The following TMEM132C variants were observed in gnomAD, a reference collection of about 807,000 sequenced individuals.
TMEM132C encodes the protein protein phosphatase 1, regulatory subunit 152.
A neutral mutation model predicts 61.4 loss-of-function variants in TMEM132C; 29 were observed. The observed-to-expected ratio is 0.47, with a 90% CI of 0.35 to 0.64. TMEM132C has a LOEUF of 0.64. TMEM132C is among the 30% of genes least tolerant of loss of function. The pLI, the probability that TMEM132C is intolerant of heterozygous loss-of-function variation, is 0.00. For synonymous variants in TMEM132C, 656 were observed against 633.1 expected (o/e 1.04, Z -0.54); for missense variants, 1,408 against 1,476.9 (o/e 0.95, Z 0.76).
chr12:128,422,428 G>A (rs529959224), intron 2 of TMEM132C, among the ~76,000 whole-genome samples: 7 of 152,256 alleles, frequency 4.6e-5, no homozygotes, highest in Admixed American at 3.9e-4. Flanking sequence ...GAGCAGAGGC[G>A]GTGATCATTC....
chr12:128,323,603 C>G (rs980335210), intron 1 of TMEM132C, among the ~76,000 whole-genome samples: 15 of 152,336 alleles, frequency 9.8e-5, no homozygotes, highest in African/African-American at 3.6e-4. Context: ...CTGATAGATG[C>G]ACCTCTGTCG....
chr12:128,430,904 A>C (rs1025056816), intron 2 of TMEM132C, among the ~76,000 whole-genome samples: 4 of 152,148 alleles, frequency 2.6e-5, no homozygotes, highest in Admixed American at 1.3e-4. Flanking sequence ...CTATTCCCTA[A>C]GATGTAACAA....
At chr12:128,666,138 C>G (rs557679562) in intron 4 of TMEM132C, among the ~76,000 whole-genome samples, 1 of 151,064 alleles carries the variant, frequency 6.6e-6, no homozygotes, top group Non-Finnish European at 1.5e-5. Context: ...CACAGGCACA[C>G]ACACATTCAC....
chr12:128,280,235 G>A (rs1870844888), intron 1 of TMEM132C, among the ~76,000 whole-genome samples: 1 of 152,184 alleles, frequency 6.6e-6, no homozygotes, highest in Admixed American at 6.5e-5. Context: ...AAGTGCCCCC[G>A]TCAATTTGAG....
At chr12:128,626,127 C>CTT (rs1555237535) in intron 4 of TMEM132C, among the ~76,000 whole-genome samples, 25 of 139,224 alleles carry the variant, frequency 1.8e-4, no homozygotes, top group African/African-American at 4.8e-4. Flanking sequence ...TTCTTTCTTT[C>CTT]TTTTTTTTTT....
chr12:128,673,971 G>T (rs774450558), intron 5 of TMEM132C, among the ~76,000 whole-genome samples: 6 of 151,736 alleles, frequency 4.0e-5, no homozygotes, highest in Non-Finnish European at 8.9e-5. Flanking sequence ...GTATATTTGT[G>T]TGATATGCAC....
chr12:128,666,254 CATTCACAGGCACTCAT>C (rs1211050389), intron 4 of TMEM132C, among the ~76,000 whole-genome samples: 1 of 151,522 alleles, frequency 6.6e-6, no homozygotes, highest in Non-Finnish European at 1.5e-5. Context: ...CAGGCACACA[CATTCACAGGCACTCAT>C]ACACAAACAC....
chr12:128,461,039 G>A (rs769700706), intron 2 of TMEM132C, among the ~76,000 whole-genome samples: 1 of 152,032 alleles, frequency 6.6e-6, no homozygotes, highest in East Asian at 1.9e-4. Flanking sequence ...GTTAATGAAG[G>A]CATGTTTGCA....
At chr12:128,289,941 G>A (rs1233953944) in intron 1 of TMEM132C, among the ~76,000 whole-genome samples, 1 of 152,070 alleles carries the variant, frequency 6.6e-6, no homozygotes. Flanking sequence ...CCTGTCCTGA[G>A]GCCCTGATGA....
At chr12:128,512,378 G>A (rs1377212623) in intron 2 of TMEM132C, among the ~76,000 whole-genome samples, 1 of 152,010 alleles carries the variant, frequency 6.6e-6, no homozygotes, top group Non-Finnish European at 1.5e-5. Context: ...TGTATGTCCT[G>A]TTTTGCTCCA....
chr12:128,347,391 A>G (rs1271918235), intron 1 of TMEM132C, among the ~76,000 whole-genome samples: 1 of 124,230 alleles, frequency 8.0e-6, no homozygotes, highest in African/African-American at 3.9e-5. Flanking sequence ...AAGCATGCAT[A>G]TGTATGTCTC....
At chr12:128,520,663 T>C (rs1872877226) in intron 2 of TMEM132C, among the ~76,000 whole-genome samples, 1 of 152,174 alleles carries the variant, frequency 6.6e-6, no homozygotes, top group South Asian at 2.1e-4. Flanking sequence ...AAAATGCAAG[T>C]AGCACATTCC....
At chr12:128,284,867 G>A (rs1871009021) in intron 1 of TMEM132C, among the ~76,000 whole-genome samples, 1 of 152,186 alleles carries the variant, frequency 6.6e-6, no homozygotes, top group Non-Finnish European at 1.5e-5. Flanking sequence ...CCAGCATGGT[G>A]TCTCATGCCT....
intron 4 of TMEM132C, among the ~76,000 whole-genome samples, chr12:128,642,633 C>A (rs530878864): frequency 3.7e-4 from 57 of 152,296 alleles, no homozygotes; most frequent in Admixed American, 1.2e-3. Context: ...CCTTTGCCTT[C>A]CTCCCTGAAT....
At chr12:128,440,064 T>C (rs955602992) in intron 2 of TMEM132C, among the ~76,000 whole-genome samples, 2 of 152,200 alleles carry the variant, frequency 1.3e-5, no homozygotes, top group African/African-American at 4.8e-5. Context: ...GGAGGAAATG[T>C]CTACTTATAG....
chr12:128,505,114 C>T (rs1007755345), intron 2 of TMEM132C, among the ~76,000 whole-genome samples: 4 of 149,898 alleles, frequency 2.7e-5, no homozygotes, highest in Non-Finnish European at 6.0e-5. Context: ...TTGCAAGCAA[C>T]AGAAATCAAC....
intron 2 of TMEM132C, among the ~76,000 whole-genome samples, chr12:128,423,080 T>C (rs1397626361): frequency 3.3e-5 from 5 of 152,204 alleles, no homozygotes; most frequent in Admixed American, 6.5e-5. Context: ...TCCTAAGAGA[T>C]TTGTTTTTGA....
At chr12:128,480,450 A>T (rs1871282438) in intron 2 of TMEM132C, among the ~76,000 whole-genome samples, 1 of 152,220 alleles carries the variant, frequency 6.6e-6, no homozygotes, top group Non-Finnish European at 1.5e-5. Flanking sequence ...TCTACATCAG[A>T]GGTCTCCGCC....
chr12:128,482,541 G>A (rs1871345388), intron 2 of TMEM132C, among the ~76,000 whole-genome samples: 1 of 152,164 alleles, frequency 6.6e-6, no homozygotes, highest in South Asian at 2.1e-4. Flanking sequence ...AATAATTTCA[G>A]AAGAAATGGT....
Sources: allele counts gnomAD v4.1 joint callset (sites outside exome capture counted in the v4.1 genomes callset), GRCh38; gene constraint gnomAD v4.1.1; transcripts MANE v1.5; gene names NCBI Gene and HGNC (gene_info 2026-07-23, HGNC 2026-07-21).